The following BLVRB variants were observed in gnomAD, a reference collection of about 807,000 sequenced individuals.
BLVRB encodes the protein flavin reductase (NADPH).
BLVRB carries 25 observed loss-of-function variants against 21.1 expected under a neutral mutation model. The observed-to-expected ratio is 1.19, with a 90% confidence interval of 0.86 to 1.66. The LOEUF (loss-of-function observed/expected upper bound fraction) is 1.66. Ranked by LOEUF, BLVRB falls within the 40% of genes most tolerant of loss-of-function variation. BLVRB has a pLI of 0.00. For missense variants in BLVRB, 274 were observed against 282.7 expected, an observed-to-expected ratio of 0.97 and a Z score of 0.22; for synonymous variants, 128 against 122.2, an observed-to-expected ratio of 1.05 and a Z score of -0.31.
chr19:40,447,981 A>G lies in BLVRB; in HGVS notation c.529T>C (p.Ser177Pro). Residue 177 changes from serine to proline, a missense_variant, in exon 5 of 5, where the codon TCC becomes CCC. Physicochemically the swap from Ser to Pro is moderately conservative, Grantham distance 74. Transcript: ENST00000263368. Reference protein sequence around the residue: ...LDGRGPSRVISKHDLGHFMLR... With the variant: ...LDGRGPSRVIPKHDLGHFMLR... ...ATGAAATGGCCCAGGTCATGTTTGG[A>G]GATGACCCTTGAGGGCCCTCGTCCA... 2 of 1,614,072 alleles carry G rather than the reference A, an allele frequency of 1.2e-6. No homozygotes were observed. Among genetic ancestry groups the G allele is most frequent in the Non-Finnish European group, 1.7e-6 (2 of 1,180,004 alleles).
intron 4 of BLVRB, among the ~76,000 whole-genome samples, chr19:40,449,592 C>T (rs2079730038): frequency 1.3e-5 from 2 of 152,070 alleles, no homozygotes; most frequent in South Asian, 4.1e-4. Context: ...AATGATATGA[C>T]AGAGTAAATG....
chr19:40,450,022 A>AC (rs1469989633), intron 4 of BLVRB, among the ~76,000 whole-genome samples: 11 of 149,548 alleles, frequency 7.4e-5, no homozygotes, highest in African/African-American at 2.5e-4. Flanking sequence ...ATATGGTGAA[A>AC]CCCCGTCTCT....
intron 3 of BLVRB, among the ~76,000 whole-genome samples, chr19:40,457,164 CAAA>C (rs34827058): frequency 3.3e-5 from 3 of 90,206 alleles, no homozygotes; most frequent in African/African-American, 4.1e-5. Flanking sequence ...CAGAAAGTCT[CAAA>C]AAAAAAAAAA....
At chr19:40,458,594 G>T in intron 1 of BLVRB, 49 bp from the exon 2 acceptor site, 1 of 1,519,492 alleles carries the variant, frequency 6.6e-7, no homozygotes. Context: ...TGGCACTCTT[G>T]GGCTCCAGGA....
At chr19:40,451,528 T>A in intron 3 of BLVRB, 36 bp from the exon 4 acceptor site, 1 of 1,463,240 alleles carries the variant, frequency 6.8e-7, no homozygotes. Flanking sequence ...GCCTGGGCTC[T>A]CTTGTCTTTT....
intron 4 of BLVRB, 59 bp from the exon 5 acceptor site, chr19:40,448,105 T>C: frequency 6.4e-7 from 1 of 1,558,362 alleles, no homozygotes; most frequent in Non-Finnish European, 8.7e-7. Flanking sequence ...TCCCCCAAAA[T>C]TCGACCCCCA....
At chr19:40,460,972 CAAACA>C (rs202183119) in intron 1 of BLVRB, among the ~76,000 whole-genome samples, 16 of 151,574 alleles carry the variant, frequency 1.1e-4, no homozygotes, top group East Asian at 3.9e-4. Context: ...AACTCCGTCT[CAAACA>C]AAACAAAACA....
rs776342103 is a variant in BLVRB at position 40,465,640 on chromosome 19, G to C, written c.49C>G (p.Leu17Val). The C allele has an allele frequency of 3.7e-6, 6 of 1,612,718 alleles. No individual in the cohort carries two copies. Among genetic ancestry groups the C allele is most frequent in the Non-Finnish European group, 5.1e-6 (6 of 1,179,838 alleles). ...TGCACCGCCTGCGCCAGGGTGGTGA[G>C]CCCGGTCTGGCCAGTGGCGCCGAAG... is the stretch of plus-strand genomic sequence containing the variant. Reference protein sequence around the residue: ...AIFGATGQTGLTTLAQAVQAG... With the variant: ...AIFGATGQTGVTTLAQAVQAG... Residue 17 changes from leucine to valine, a missense_variant, in exon 1 of 5, where the codon CTC becomes GTC. By Grantham distance (32) the Leu-to-Val change is conservative (BLOSUM62 1). Transcript: ENST00000263368.
At chr19:40,460,805 TCTA>T (rs1293294476) in intron 1 of BLVRB, among the ~76,000 whole-genome samples, 1 of 151,928 alleles carries the variant, frequency 6.6e-6, no homozygotes, top group Non-Finnish European at 1.5e-5. Flanking sequence ...AAACCCCGCC[TCTA>T]CTAAAAATAC....
chr19:40,462,877 G>A (rs1016466368), intron 1 of BLVRB, among the ~76,000 whole-genome samples: 2 of 113,148 alleles, frequency 1.8e-5, no homozygotes, highest in Non-Finnish European at 3.3e-5. Flanking sequence ...GGGCGGCAGA[G>A]TGAGACTCTT....
intron 1 of BLVRB, among the ~76,000 whole-genome samples, chr19:40,459,711 C>T (rs188604830): frequency 9.9e-5 from 15 of 152,278 alleles, no homozygotes; most frequent in Non-Finnish European, 8.8e-5. Context: ...GCTGGGACTA[C>T]AGGCGCATGC....
chr19:40,465,111 A>G (rs1421666199), intron 1 of BLVRB, among the ~76,000 whole-genome samples: 1 of 152,072 alleles, frequency 6.6e-6, no homozygotes, highest in Non-Finnish European at 1.5e-5. Context: ...GGTGGTTAAG[A>G]GCATGAGCTG....
At chr19:40,462,695 T>A (rs2145783893) in intron 1 of BLVRB, among the ~76,000 whole-genome samples, 1 of 148,004 alleles carries the variant, frequency 6.8e-6, no homozygotes, top group South Asian at 2.1e-4. Flanking sequence ...ATGGAGACCA[T>A]CCTGGTTAAC....
chr19:40,458,380 C>T lies in BLVRB; in HGVS notation c.244+1G>A, dbSNP rs146531246. On this transcript the variant is annotated splice_donor_variant, in intron 2 of 4. Transcript: ENST00000263368. LOFTEE classifies it high-confidence loss of function. Reference sequence around the variant, plus strand: ...CCGTGGGCAGAGGGGGGGCTCAGTACTGAGGTCATTGCGGGTGCCCAGCAG... The same window carrying T: ...CCGTGGGCAGAGGGGGGGCTCAGTATTGAGGTCATTGCGGGTGCCCAGCAG... 9 of 1,582,988 alleles carry T rather than the reference C, an allele frequency of 5.7e-6. No homozygotes were observed. Among genetic ancestry groups the T allele is most frequent in the Admixed American group, 1.8e-5 (1 of 55,956 alleles).
intron 1 of BLVRB, among the ~76,000 whole-genome samples, chr19:40,459,221 TG>T (rs2079775670): frequency 6.8e-6 from 1 of 146,412 alleles, no homozygotes; most frequent in Non-Finnish European, 1.5e-5. Context: ...CCCAAGTACT[TG>T]GGAAGCTGAG....
In BLVRB at chr19:40,460,247, C is replaced by CATATATAT. The variant is rs57153004; in HGVS notation, c.80-1710_80-1703dup. On this transcript the variant is annotated intron_variant, in intron 1 of 4. Transcript: ENST00000263368. ...ACATTTGGGTATACTGTAATAGCAA[C>CATATATAT]ATATATATATATATATATATATATA... 2.4e-3 allele frequency among the ~76,000 whole-genome samples: 292 copies of CATATATAT among 121,124 alleles called. 4 individuals carry two copies. Among genetic ancestry groups the CATATATAT allele is most frequent in the African/African-American group, 8.4e-3 (246 of 29,402 alleles). The allele number at this position is 121,124 out of a possible 152,430, so 79.5% of individuals were successfully genotyped here.
chr19:40,456,613 G>A (rs540218460), intron 3 of BLVRB, among the ~76,000 whole-genome samples: 5 of 152,050 alleles, frequency 3.3e-5, no homozygotes, highest in African/African-American at 4.8e-5. Flanking sequence ...GAGTCTGGAC[G>A]TGGTGGCTTA....
Position 40,465,680 on chromosome 19 carries a change from G to C in BLVRB, c.9C>G (p.Val3=). The change falls in exon 1 of 5, where the codon GTC becomes GTG. Residue 3 remains valine, a synonymous_variant. Transcript: ENST00000263368. ...TGGCGCCGAAGATCGCGATCTTCTT[G>C]ACGGCCATCGTACGGGATCGTGGGG... MA[V]KKIAIFGATG... 1 of 1,612,818 alleles carries C rather than the reference G, an allele frequency of 6.2e-7. No homozygotes were observed. Among genetic ancestry groups the C allele is most frequent in the Non-Finnish European group, 8.5e-7 (1 of 1,179,778 alleles).
intron 1 of BLVRB, among the ~76,000 whole-genome samples, chr19:40,460,934 T>C (rs1043511424): frequency 2.0e-5 from 3 of 152,124 alleles, no homozygotes; most frequent in Non-Finnish European, 4.4e-5. Context: ...ATTGTGCCAT[T>C]GCACGCCAGC....
Sources: gnomAD v4.1 joint callset for allele counts (sites outside exome capture counted in the v4.1 genomes callset) on GRCh38, gnomAD v4.1.1 for gene constraint, MANE v1.5 for transcripts, NCBI Gene and HGNC (gene_info 2026-07-23, HGNC 2026-07-21) for gene names.